DPP10: variants seen among roughly 807,000 people sequenced by gnomAD.
DPP10 encodes the protein inactive dipeptidyl peptidase 10.
DPP10 carries 33 observed loss-of-function variants against 120.9 expected under a neutral mutation model. The ratio of observed to expected loss-of-function variants is 0.27; its 90% CI spans 0.21 to 0.37. DPP10 has a LOEUF of 0.37. DPP10 is among the 10% of genes least tolerant of loss of function. The pLI, the probability that DPP10 is intolerant of heterozygous loss-of-function variation, is 1.00. For synonymous variants in DPP10, 337 were observed against 326.1 expected (o/e 1.03, Z -0.36); for missense variants, 816 against 942.8 (o/e 0.87, Z 1.76).
At chr2:114,799,326 C>G (rs142097183) in intron 1 of DPP10, among the ~76,000 whole-genome samples, 8 of 152,266 alleles carry the variant, frequency 5.3e-5, no homozygotes, top group Non-Finnish European at 8.8e-5. Flanking sequence ...TGCTGCTCTT[C>G]AAGTCCTAAG....
chr2:114,679,761 G>A (rs1449358720), intron 1 of DPP10, among the ~76,000 whole-genome samples: 2 of 151,942 alleles, frequency 1.3e-5, no homozygotes, highest in Non-Finnish European at 2.9e-5. Flanking sequence ...TCACCTTAGG[G>A]CTTTCTCACT....
chr2:115,696,922 T>G (rs189478715), intron 7 of DPP10, among the ~76,000 whole-genome samples: 3 of 152,282 alleles, frequency 2.0e-5, no homozygotes, highest in Non-Finnish European at 4.4e-5. Context: ...AATATGTAAT[T>G]TTGTGACTTC....
At position 114,467,187 on chromosome 2, in the gene DPP10, T is replaced by C. The variant is rs560518742; in HGVS notation, c.60+24349T>C. ...TACACTTTGTTATTAAAATAGTAAG[T>C]GGTAAGGAACCCTTTAAGGGATATG... On this transcript the variant is annotated intron_variant, in intron 1 of 25. Transcript: ENST00000410059. Among the ~76,000 whole-genome samples, 491 of 152,294 alleles carry C rather than the reference T, an allele frequency of 3.2e-3. 3 individuals carry two copies. The highest frequency in any genetic ancestry group is 0.011 in the African/African-American group (477 of 41,556).
At chr2:115,838,524 A>G (rs966833274) in intron 24 of DPP10, among the ~76,000 whole-genome samples, 3 of 152,184 alleles carry the variant, frequency 2.0e-5, no homozygotes, top group Non-Finnish European at 2.9e-5. Context: ...TGAGCCTTTT[A>G]TTCACTGTGC....
chr2:115,772,397 T>A (rs976601241), intron 13 of DPP10, among the ~76,000 whole-genome samples: 1 of 152,174 alleles, frequency 6.6e-6, no homozygotes, highest in Non-Finnish European at 1.5e-5. Context: ...AAGTAAAAGA[T>A]TTCTAAGCCC....
intron 1 of DPP10, among the ~76,000 whole-genome samples, chr2:114,848,817 G>A (rs541876146): frequency 6.6e-6 from 1 of 152,266 alleles, no homozygotes; most frequent in South Asian, 2.1e-4. Flanking sequence ...TGTTCAGGCT[G>A]CTATAACAAA....
chr2:115,226,198 C>T (rs182908131), intron 1 of DPP10, among the ~76,000 whole-genome samples: 36 of 152,082 alleles, frequency 2.4e-4, no homozygotes, highest in Admixed American at 1.2e-3. Context: ...TGGGTGAGCT[C>T]GACTGTCTAG....
At chr2:114,914,222 G>A (rs1042280289) in intron 1 of DPP10, among the ~76,000 whole-genome samples, 13 of 152,226 alleles carry the variant, frequency 8.5e-5, no homozygotes, top group Middle Eastern at 6.8e-3. Flanking sequence ...TAAATGAGAT[G>A]CTATACAATA....
intron 1 of DPP10, among the ~76,000 whole-genome samples, chr2:114,623,635 A>C (rs1161581627): frequency 6.6e-6 from 1 of 152,094 alleles, no homozygotes; most frequent in Non-Finnish European, 1.5e-5. Flanking sequence ...CAACAGCAAA[A>C]ATGACCTATA....
intron 1 of DPP10, among the ~76,000 whole-genome samples, chr2:114,875,550 T>C (rs1558832919): frequency 6.6e-6 from 1 of 152,116 alleles, no homozygotes; most frequent in East Asian, 1.9e-4. Context: ...GTGTGCTTGA[T>C]GAAAAATAAC....
intron 1 of DPP10, among the ~76,000 whole-genome samples, chr2:115,152,925 G>T (rs1234186733): frequency 6.6e-6 from 1 of 152,162 alleles, no homozygotes; most frequent in Non-Finnish European, 1.5e-5. Context: ...ATTACTCATA[G>T]TATAATGAGT....
chr2:115,079,316 C>A (rs1559068184), intron 1 of DPP10, among the ~76,000 whole-genome samples: 1 of 151,184 alleles, frequency 6.6e-6, no homozygotes, highest in Admixed American at 6.6e-5. Flanking sequence ...GGAGGCGGAG[C>A]TTGCAGTGAG....
chr2:115,607,017 A>T (rs1161892175), intron 5 of DPP10, among the ~76,000 whole-genome samples: 3 of 152,204 alleles, frequency 2.0e-5, no homozygotes, highest in African/African-American at 7.2e-5. Context: ...CTGCAACTCC[A>T]AACTATCAAA....
chr2:114,448,125 A>G (rs1320235683), intron 1 of DPP10, among the ~76,000 whole-genome samples: 1 of 152,158 alleles, frequency 6.6e-6, no homozygotes, highest in South Asian at 2.1e-4. Context: ...TCTTTTTAAT[A>G]AAGAGTGACT....
intron 3 of DPP10, among the ~76,000 whole-genome samples, chr2:115,453,684 G>A (rs1387642723): frequency 2.6e-5 from 4 of 151,374 alleles, no homozygotes. Context: ...TTTTAGGGAA[G>A]AATAATATTC....
rs1690060812 is a variant in DPP10 at position 115,840,774 on chromosome 2, C to G, written c.2207C>G (p.Ala736Gly). 6.2e-7 allele frequency: 1 copy of G among 1,613,538 alleles called. No individual in the cohort carries two copies. Among genetic ancestry groups the G allele is most frequent in the Admixed American group, 1.7e-5 (1 of 59,950 alleles). ...ADTKVHFQHSAELIKHLIKAG... is the reference protein window; with the variant it reads ...ADTKVHFQHSGELIKHLIKAG... The stretch of plus-strand genomic sequence containing the variant: ...GCAAAAGTTCATTTCCAACACTCAG[C>G]AGAATTAATCAAGCACCTAATAAAA... The change falls in exon 25 of 26, where the codon GCA becomes GGA. Residue 736 changes from alanine to glycine, a missense_variant. Ala to Gly is a moderately conservative substitution (Grantham distance 60). This residue lies in a region of DPP10 where 592 missense variants were observed against 649.0 expected (regional missense o/e 0.91). Coordinates refer to ENST00000410059, the MANE Select transcript of DPP10 (RefSeq NM_020868.6).
intron 21 of DPP10, among the ~76,000 whole-genome samples, chr2:115,834,067 T>G (rs1004923253): frequency 6.6e-6 from 1 of 152,182 alleles, no homozygotes; most frequent in Non-Finnish European, 1.5e-5. Flanking sequence ...CTTATATCTA[T>G]ATAGGATAAT....
intron 1 of DPP10, among the ~76,000 whole-genome samples, chr2:115,077,527 A>T (rs1012224558): frequency 2.0e-5 from 3 of 152,198 alleles, no homozygotes; most frequent in African/African-American, 7.2e-5. Context: ...TAATTCTAGA[A>T]TTAAAAGGAA....
At chr2:114,970,835 A>C (rs2104785589) in intron 1 of DPP10, among the ~76,000 whole-genome samples, 1 of 152,302 alleles carries the variant, frequency 6.6e-6, no homozygotes, top group South Asian at 2.1e-4. Context: ...AAGACAGGCA[A>C]GTAATGGATG....
Sources: allele counts gnomAD v4.1 joint callset (sites outside exome capture counted in the v4.1 genomes callset), GRCh38; gene constraint gnomAD v4.1.1; regional missense constraint gnomAD v4.1.1; transcripts MANE v1.5; gene names NCBI Gene and HGNC (gene_info 2026-07-23, HGNC 2026-07-21).